NBAS: variants seen among roughly 807,000 people sequenced by gnomAD.
NBAS encodes the protein NAG/BC035112 fusion.
In NBAS, 219 loss-of-function variants were observed where a neutral mutation model predicts 302.5. The ratio of observed to expected loss-of-function variants is 0.72; its 90% CI spans 0.65 to 0.81. NBAS has a LOEUF of 0.81. NBAS is among the 30% of genes least tolerant of loss of function. NBAS has a pLI of 0.00. For missense variants in NBAS, 2,932 were observed against 2,841.6 expected, an observed-to-expected ratio of 1.03 and a Z score of -0.72; for synonymous variants, 1,118 against 1,021.6, an observed-to-expected ratio of 1.09 and a Z score of -1.80.
the NBAS span, among the ~76,000 whole-genome samples, chr2:15,155,796 TC>T: frequency 1.3e-5 from 2 of 152,200 alleles, no homozygotes; most frequent in African/African-American, 4.8e-5. Flanking sequence ...TTGAAAAGTT[TC>T]AGCCCATTTC....
the NBAS span, among the ~76,000 whole-genome samples, chr2:15,014,219 C>T: frequency 2.6e-5 from 4 of 152,070 alleles, no homozygotes; most frequent in African/African-American, 9.7e-5. Flanking sequence ...TTCTCATTCT[C>T]AGGATTGAAC....
chr2:15,070,113 G>T, the NBAS span, among the ~76,000 whole-genome samples: 1 of 152,152 alleles, frequency 6.6e-6, no homozygotes, highest in Non-Finnish European at 1.5e-5. Context: ...GTCTGTCCTG[G>T]TCCTACTTAC....
At chr2:15,322,353 G>A (rs1464376218) in intron 38 of NBAS, among the ~76,000 whole-genome samples, 1 of 151,910 alleles carries the variant, frequency 6.6e-6, no homozygotes, top group Non-Finnish European at 1.5e-5. Flanking sequence ...AAACCTGCAT[G>A]TTGTGCACAT....
chr2:15,067,159 C>CAAAAA, the NBAS span, among the ~76,000 whole-genome samples: 1 of 93,320 alleles, frequency 1.1e-5, no homozygotes, highest in African/African-American at 5.0e-5. Flanking sequence ...CTTATCTCCA[C>CAAAAA]AAAAAAAAAA....
chr2:14,913,115 A>G, the NBAS span, among the ~76,000 whole-genome samples: 4 of 152,210 alleles, frequency 2.6e-5, no homozygotes, highest in Non-Finnish European at 4.4e-5. Context: ...ACTTTATTTA[A>G]CTTTCATCCA....
Position 15,275,366 on chromosome 2 carries a change from A to G in NBAS, c.5724+118T>C, listed in dbSNP as rs1216472703. 4 of 1,243,338 alleles carry G rather than the reference A, an allele frequency of 3.2e-6. No individual in the cohort carries two copies. In the East Asian group the frequency reaches 1.0e-4, roughly 32 times the overall value. The allele number at this position is 1,243,338 out of a possible 1,614,324, so 77.0% of individuals were successfully genotyped here. Reference sequence around the variant, plus strand: ...ACAGCAAATGAACAAAAACTTTTTAAAAAGCCAACATGTAATTATTTTCAA... The same window carrying G: ...ACAGCAAATGAACAAAAACTTTTTAGAAAGCCAACATGTAATTATTTTCAA... On this transcript the variant is annotated intron_variant, in intron 44 of 51. Coordinates refer to ENST00000281513, the MANE Select transcript of NBAS (RefSeq NM_015909.4).
chr2:15,400,261 TAG>T (rs1676085385), intron 26 of NBAS, among the ~76,000 whole-genome samples: 1 of 146,320 alleles, frequency 6.8e-6, no homozygotes, highest in Non-Finnish European at 1.5e-5. Context: ...ATGAAAGGAA[TAG>T]AGAGATCATT....
chr2:15,245,725 A>G (rs772826298), intron 44 of NBAS, among the ~76,000 whole-genome samples: 1 of 152,178 alleles, frequency 6.6e-6, no homozygotes, highest in Non-Finnish European at 1.5e-5. Flanking sequence ...GGAAGCACGT[A>G]AGTAGGAGGG....
At chr2:15,421,185 G>A (rs1417355480) in intron 23 of NBAS, among the ~76,000 whole-genome samples, 1 of 151,982 alleles carries the variant, frequency 6.6e-6, no homozygotes, top group Non-Finnish European at 1.5e-5. Context: ...TTCTCAGAAA[G>A]CATTAAGAAA....
chr2:15,006,529 T>C, the NBAS span, among the ~76,000 whole-genome samples: 15 of 152,180 alleles, frequency 9.9e-5, no homozygotes, highest in African/African-American at 3.6e-4. Flanking sequence ...AACTATGCTT[T>C]AAAAATGAAA....
chr2:15,218,608 A>G (rs1183166716), intron 48 of NBAS, among the ~76,000 whole-genome samples, 165 bp downstream of exon 48: 1 of 152,124 alleles, frequency 6.6e-6, no homozygotes, highest in Non-Finnish European at 1.5e-5. Context: ...TTTAGTAGAG[A>G]TGGGGTTTTG....
chr2:15,186,347 T>C (rs1344738371), intron 50 of NBAS, among the ~76,000 whole-genome samples: 1 of 152,102 alleles, frequency 6.6e-6, no homozygotes, highest in Non-Finnish European at 1.5e-5. Context: ...TCAAAAAGCA[T>C]GTAAAATTCA....
chr2:15,561,130 C>T, intron 1 of NBAS, 58 bp downstream of exon 1: 1 of 1,381,228 alleles, frequency 7.2e-7, no homozygotes, highest in Middle Eastern at 2.0e-4. Context: ...TGCTACGTGG[C>T]TCTACCCACG....
downstream of NBAS, among the ~76,000 whole-genome samples, chr2:15,164,610 G>A (rs1432487134): frequency 6.6e-6 from 1 of 152,144 alleles, no homozygotes; most frequent in East Asian, 1.9e-4. Context: ...TGAGGGCCAG[G>A]GCAGCCCTTG....
At chr2:15,422,725 T>C (rs377595200) in intron 23 of NBAS, among the ~76,000 whole-genome samples, 152 of 152,328 alleles carry the variant, frequency 1.0e-3, no homozygotes, top group African/African-American at 3.6e-3. Context: ...CACTTTTTAC[T>C]GACATGAGAA....
chr2:15,096,670 A>G, the NBAS span, among the ~76,000 whole-genome samples: 1 of 152,158 alleles, frequency 6.6e-6, no homozygotes, highest in East Asian at 1.9e-4. Context: ...CCAAGCACCT[A>G]TGACACCAAG....
At chr2:14,787,902 C>T in the NBAS span, among the ~76,000 whole-genome samples, 3 of 152,144 alleles carry the variant, frequency 2.0e-5, no homozygotes, top group South Asian at 2.1e-4. Flanking sequence ...TCCTGGATAA[C>T]ATCCTGCAGA....
At chr2:15,539,193 C>G in intron 7 of NBAS, 30 bp downstream of exon 7, 1 of 1,613,760 alleles carries the variant, frequency 6.2e-7, no homozygotes, top group African/African-American at 1.3e-5. Flanking sequence ...ATTGAAAAAA[C>G]TATGTTTTCA....
intron 44 of NBAS, among the ~76,000 whole-genome samples, chr2:15,256,672 G>A (rs1668615523): frequency 6.6e-6 from 1 of 152,102 alleles, no homozygotes; most frequent in Admixed American, 6.6e-5. Context: ...TCCCTGTTCA[G>A]TATAATGTTG....
Sources: allele counts gnomAD v4.1 joint callset (sites outside exome capture counted in the v4.1 genomes callset), GRCh38; gene constraint gnomAD v4.1.1; transcripts MANE v1.5; gene names NCBI Gene and HGNC (gene_info 2026-07-23, HGNC 2026-07-21).